The following VARS2 variants were observed in gnomAD, a reference collection of about 807,000 sequenced individuals.
VARS2 encodes valyl-tRNA synthetase 2, mitochondrial, also known as valine--tRNA ligase, mitochondrial.
A neutral mutation model predicts 154.1 loss-of-function variants in VARS2; 105 were observed. That is an observed-to-expected ratio of 0.68 (90% confidence interval 0.58 to 0.80). VARS2 has a LOEUF of 0.80. Among genes scored for constraint, VARS2 ranks in the 30% least tolerant of loss-of-function variants. The pLI is 0.00. For missense variants in VARS2, 1,157 were observed against 1,361.4 expected, an observed-to-expected ratio of 0.85 and a Z score of 2.36; for synonymous variants, 483 against 539.5, an observed-to-expected ratio of 0.90 and a Z score of 1.45.
rs780674998 is a variant in VARS2, at chr6:30,917,273, G to A, written c.873+49G>A. 5 of 1,613,164 alleles carry A rather than the reference G, an allele frequency of 3.1e-6. No homozygotes were observed. Among genetic ancestry groups the A allele is most frequent in the East Asian group, 2.2e-5 (1 of 44,876 alleles). Reference sequence around the variant, plus strand: ...GTTTGTGAGAGCTCTGAGGCAGAGTGGTCAATGATTAAGAGCTCAGACTCT... The same window carrying A: ...GTTTGTGAGAGCTCTGAGGCAGAGTAGTCAATGATTAAGAGCTCAGACTCT... On this transcript the variant is annotated intron_variant, in intron 9 of 29. Transcript: ENST00000676266. The surrounding 1 kb of genome is among the most constrained non-coding windows in gnomAD (Gnocchi z 4.4).
Position 30,917,160 on chromosome 6 carries a change from T to G in VARS2, c.809T>G (p.Leu270Arg), listed in dbSNP as rs1794229181. ...GTGCGGCTCTACAAGGCGGGGTTGC[T>G]GTACCGGAACCATCAGCTTGTCAAC... ...AFVRLYKAGL[L>R]YRNHQLVNWS... Residue 270 changes from leucine to arginine, a missense_variant, in exon 9 of 30, where the codon CTG (leucine) becomes CGG (arginine). Coordinates refer to ENST00000676266, the MANE Select transcript of VARS2 (RefSeq NM_020442.6). The surrounding 1 kb of genome is among the most constrained non-coding windows in gnomAD (Gnocchi z 4.4). The G allele has an allele frequency of 1.2e-6, 2 of 1,614,204 alleles. No individual in the cohort carries two copies. The highest frequency in any genetic ancestry group is 1.7e-6 in the Non-Finnish European group (2 of 1,180,032).
chr6:30,919,691 A>G lies in VARS2; in HGVS notation c.1075-67A>G. The stretch of plus-strand genomic sequence containing the variant: ...CTACCTTCTTATTCCTGGGGTTCTC[A>G]CGCCCCAGCCCAGACCCTTCCAACC... On this transcript the variant is annotated intron_variant, in intron 11 of 29. Coordinates refer to ENST00000676266, the MANE Select transcript of VARS2 (RefSeq NM_020442.6). This position sits in a 1 kb window ranked among gnomAD's most constrained non-coding sequence, Gnocchi z 4.5. 1 of 1,282,302 alleles carries G rather than the reference A, an allele frequency of 7.8e-7. No homozygotes were observed. The highest frequency in any genetic ancestry group is 1.0e-6 in the Non-Finnish European group (1 of 967,024). 79.4% of individuals were successfully genotyped at this position (1,282,302 alleles called of 1,614,324 possible).
At position 30,925,342 on chromosome 6, in the gene VARS2, G is replaced by A. The variant is rs1794767016; in HGVS notation, c.2742G>A (p.Arg914=). ...TCCAAGAGGTCGTGCAGGTGCTAAG[G>A]GCTCTCCGAGCCACGTACCAGCTCA... ...SRVQEVVQVL[R]ALRATYQLTK... The change falls in exon 27 of 30, where the codon AGG becomes AGA. Residue 914 remains arginine, a synonymous_variant. Coordinates refer to ENST00000676266, the MANE Select transcript of VARS2 (RefSeq NM_020442.6). The A allele has an allele frequency of 2.5e-6, 4 of 1,612,452 alleles. No homozygotes were observed. The highest frequency in any genetic ancestry group is 1.3e-5 in the African/African-American group (1 of 75,056).
At chr6:30,918,528 G>T (rs1489463481) in intron 10 of VARS2, among the ~76,000 whole-genome samples, 3 of 152,160 alleles carry the variant, frequency 2.0e-5, no homozygotes, top group Admixed American at 6.5e-5. Context: ...TGTCCTCTGG[G>T]CACCCAGCAA....
At chr6:30,925,418 T>G in intron 27 of VARS2, 33 bp downstream of exon 27, 1 of 1,589,536 alleles carries the variant, frequency 6.3e-7, no homozygotes, top group African/African-American at 1.3e-5. Context: ...CTCGGATCCC[T>G]GCAGGAAAAG....
At position 30,924,599 on chromosome 6, in the gene VARS2, T is replaced by C. The variant is rs750953024; in HGVS notation, c.2673+39T>C. The C allele has an allele frequency of 9.5e-6, 11 of 1,160,074 alleles. No individual in the cohort carries two copies. The South Asian group carries it at 1.6e-4, about 17-fold the overall frequency. 71.9% of individuals were successfully genotyped at this position (1,160,074 alleles called of 1,614,324 possible). On this transcript the variant is annotated intron_variant, in intron 26 of 29. Coordinates refer to ENST00000676266, the MANE Select transcript of VARS2 (RefSeq NM_020442.6). ...ACCTTGGAGTGGGTCTGTGGGTGAA[T>C]GGGGGGGAGCACCTTCTGAAGGGGT... is the stretch of plus-strand genomic sequence containing the variant.
Position 30,921,836 on chromosome 6 carries a change from G to C in VARS2, c.1736-89G>C. On this transcript the variant is annotated intron_variant, in intron 18 of 29. Coordinates refer to ENST00000676266, the MANE Select transcript of VARS2 (RefSeq NM_020442.6). This position sits in a 1 kb window ranked among gnomAD's most constrained non-coding sequence, Gnocchi z 4.6. ...AAGGGGACAGCCCTGGTCTCTGGGG[G>C]TGGGGGTTGGCCTAGAATGGTGGCA... 4 of 1,575,048 alleles carry C rather than the reference G, an allele frequency of 2.5e-6. No homozygotes were observed. The highest frequency in any genetic ancestry group is 3.5e-6 in the Non-Finnish European group (4 of 1,148,164).
chr6:30,915,324 T>A (rs755579096), intron 3 of VARS2, 31 bp from the exon 4 acceptor site: 1 of 1,612,984 alleles, frequency 6.2e-7, no homozygotes, highest in South Asian at 1.1e-5. Flanking sequence ...ACAAGTTCAG[T>A]GGTTAGTGGA....
intron 26 of VARS2, 45 bp downstream of exon 26, chr6:30,924,605 G>A: frequency 9.6e-7 from 1 of 1,039,382 alleles, no homozygotes; most frequent in Non-Finnish European, 1.4e-6. Flanking sequence ...TGAATGGGGG[G>A]GAGCACCTTC....
chr6:30,914,254 C>G lies in VARS2; in HGVS notation c.-118C>G, dbSNP rs1045099650. The G allele has an allele frequency of 5.1e-6, 4 of 782,160 alleles. No individual in the cohort carries two copies. Among genetic ancestry groups the G allele is most frequent in the African/African-American group, 1.8e-5 (1 of 56,040 alleles). 48.5% of individuals were successfully genotyped at this position (782,160 alleles called of 1,614,324 possible). A position where few individuals can be genotyped will look rare whatever the true frequency, so the allele number is the denominator to read the frequency against. ...CGGGGCCCCGCCCCCATGCGCCGCG[C>G]GGCTCCAGGGCCACGTTCCAGGGTC... On this transcript the variant is annotated 5_prime_UTR_variant, in exon 1 of 30. Transcript: ENST00000676266.
In VARS2 at chr6:30,925,208, C is replaced by T. The variant is rs550939246; in HGVS notation, c.2674-66C>T. ...TGGGGTGGATGGGTCGAGAAGAGAG[C>T]CAGCAGGGTTGGTACTGAGTCTCCC... On this transcript the variant is annotated intron_variant, in intron 26 of 29. Coordinates refer to ENST00000676266, the MANE Select transcript of VARS2 (RefSeq NM_020442.6). 4 of 1,226,110 alleles carry T rather than the reference C, an allele frequency of 3.3e-6. No homozygotes were observed. The African/African-American group carries it at 6.1e-5, about 19-fold the overall frequency. 76.0% of individuals were successfully genotyped at this position (1,226,110 alleles called of 1,614,324 possible).
At position 30,921,012 on chromosome 6, in the gene VARS2, A is replaced by T. The variant is rs1452826850; in HGVS notation, c.1480-53A>T. On this transcript the variant is annotated intron_variant, in intron 15 of 29. Transcript: ENST00000676266. The surrounding 1 kb of genome is among the most constrained non-coding windows in gnomAD (Gnocchi z 4.6). ...CAGAGGCCACTCGTCCTATCTGTGG[A>T]GGTGCGGCCGTGCAGGAAGGGCAAC... 12 of 1,542,084 alleles carry T rather than the reference A, an allele frequency of 7.8e-6. No homozygotes were observed. The highest frequency in any genetic ancestry group is 9.7e-6 in the Non-Finnish European group (11 of 1,137,106).
chr6:30,925,877 C>A lies in VARS2; in HGVS notation c.2962-3C>A, dbSNP rs373585077. 4.7e-5 allele frequency: 75 copies of A among 1,612,532 alleles called. No homozygotes were observed. The highest frequency in any genetic ancestry group is 6.0e-5 in the Non-Finnish European group (71 of 1,180,020). Reference sequence around the variant, plus strand: ...TGAGCCTTTTCTCCCTGTTCTTCCCCAGGGCCTGGTGGACCCGCAGATCCA... The same window carrying A: ...TGAGCCTTTTCTCCCTGTTCTTCCCAAGGGCCTGGTGGACCCGCAGATCCA... On this transcript the variant is annotated splice_polypyrimidine_tract_variant and splice_region_variant and intron_variant, in intron 28 of 29. Transcript: ENST00000676266.
intron 22 of VARS2, 39 bp from the exon 23 acceptor site, chr6:30,922,859 C>A (rs371570585): frequency 3.0e-4 from 480 of 1,581,604 alleles, no homozygotes; most frequent in Middle Eastern, 1.0e-3. Context: ...CCTGCAGCCA[C>A]AAAGGCATCT....
In VARS2 at chr6:30,921,184, G is replaced by A; in HGVS notation, c.1556+43G>A. ...GGAGCTCTTGTGGAGATGGGGAGGG[G>A]GGACTGACTGGTTATTCTAAGACTT... On this transcript the variant is annotated intron_variant, in intron 16 of 29. Coordinates refer to ENST00000676266, the MANE Select transcript of VARS2 (RefSeq NM_020442.6). This position sits in a 1 kb window ranked among gnomAD's most constrained non-coding sequence, Gnocchi z 4.6. 1 of 1,613,852 alleles carries A rather than the reference G, an allele frequency of 6.2e-7. No individual in the cohort carries two copies. The highest frequency in any genetic ancestry group is 8.5e-7 in the Non-Finnish European group (1 of 1,179,834).
chr6:30,914,814 C>T lies in VARS2; in HGVS notation c.-23C>T. The T allele has an allele frequency of 4.3e-6, 7 of 1,612,912 alleles. No homozygotes were observed. The highest frequency in any genetic ancestry group is 5.9e-6 in the Non-Finnish European group (7 of 1,179,950). ...CTCTCTCTCTATCCAGAACAGATCTCGGCCCCTTTCCAAACACTCCTGATG... is the reference window on the plus strand; with the variant it reads ...CTCTCTCTCTATCCAGAACAGATCTTGGCCCCTTTCCAAACACTCCTGATG... On this transcript the variant is annotated 5_prime_UTR_variant, in exon 2 of 30. Coordinates refer to ENST00000676266, the MANE Select transcript of VARS2 (RefSeq NM_020442.6).
Position 30,917,370 on chromosome 6 carries a change from G to C in VARS2, c.873+146G>C. 7.9e-7 allele frequency: 1 copy of C among 1,259,878 alleles called. No homozygotes were observed. Among genetic ancestry groups the C allele is most frequent in the South Asian group, 1.3e-5 (1 of 75,628 alleles). 78.0% of individuals were successfully genotyped at this position (1,259,878 alleles called of 1,614,324 possible). On this transcript the variant is annotated intron_variant, in intron 9 of 29. Coordinates refer to ENST00000676266, the MANE Select transcript of VARS2 (RefSeq NM_020442.6). The surrounding 1 kb of genome is among the most constrained non-coding windows in gnomAD (Gnocchi z 4.4). ...TGTGTGGCTTTTGGCAGGCCGTTTA[G>C]TCTCTTTAAGCCTCAGCTTCCTCAG...
rs1794381861 is a variant in VARS2 at position 30,919,644 on chromosome 6, C to G, written c.1075-114C>G. 3.7e-6 allele frequency: 3 copies of G among 805,746 alleles called. No individual in the cohort carries two copies. The highest frequency in any genetic ancestry group is 5.5e-6 in the Non-Finnish European group (3 of 540,912). 49.9% of individuals were successfully genotyped at this position (805,746 alleles called of 1,614,324 possible). On this transcript the variant is annotated intron_variant, in intron 11 of 29. Coordinates refer to ENST00000676266, the MANE Select transcript of VARS2 (RefSeq NM_020442.6). This position sits in a 1 kb window ranked among gnomAD's most constrained non-coding sequence, Gnocchi z 4.5. ...CCCTTAAGAGTTTGCTGACCTTGCT[C>G]TAGCTTGCTACCTTCCACTTTCTAC...
chr6:30,924,599 TG>T (rs777901055), intron 26 of VARS2, 39 bp downstream of exon 26: 16 of 1,160,046 alleles, frequency 1.4e-5, no homozygotes, highest in East Asian at 2.4e-5. Context: ...TGTGGGTGAA[TG>T]GGGGGGAGCA....
Sources: gnomAD v4.1 joint callset for allele counts (sites outside exome capture counted in the v4.1 genomes callset) on GRCh38, gnomAD v4.1.1 for gene constraint, Gnocchi (gnomAD v3.1) non-coding constraint, MANE v1.5 for transcripts, NCBI Gene and HGNC (gene_info 2026-07-23, HGNC 2026-07-21) for gene names.